Variants in HSD17B7 observed in about 807,000 individuals in gnomAD.
HSD17B7 encodes the protein 3-keto-steroid reductase/17-beta-hydroxysteroid dehydrogenase 7.
HSD17B7 carries 17 observed loss-of-function variants against 34.1 expected under a neutral mutation model. The ratio of observed to expected loss-of-function variants is 0.50; its 90% confidence interval spans 0.34 to 0.75. HSD17B7 has a LOEUF of 0.75. Ranked by LOEUF, HSD17B7 falls within the 30% of genes least tolerant of loss-of-function variation. The probability of loss-of-function intolerance (pLI) is 0.01; values close to 1 mark genes in which losing one functional copy is unlikely to be tolerated. For missense variants in HSD17B7, 296 were observed against 406.6 expected, an observed-to-expected ratio of 0.73 and a Z score of 2.34; for synonymous variants, 122 against 154.6, an observed-to-expected ratio of 0.79 and a Z score of 1.56.
rs1487627670 is a variant in HSD17B7, at chr1:162,793,094, C to T, written c.239+232C>T. On this transcript the variant is annotated intron_variant, in intron 2 of 8. Transcript: ENST00000254521. ...TGTTGCCCAGGCTGGAGTGCAATGG[C>T]GTGATCTCGGCTCACTTCAACCTCC... The T allele has an allele frequency of 3.8e-5, 12 of 319,466 alleles. 1 individual carries two copies. The highest frequency in any genetic ancestry group is 3.0e-4 in the South Asian group (11 of 37,116). The allele number at this position is 319,466 out of a possible 1,614,324, so 19.8% of individuals were successfully genotyped here.
chr1:162,804,367 A>G, intron 7 of HSD17B7, 44 bp downstream of exon 7: 1 of 1,203,550 alleles, frequency 8.3e-7, no homozygotes, highest in Non-Finnish European at 1.2e-6. Context: ...GACTTAGCAG[A>G]TGTGAATTAC....
intron 3 of HSD17B7, among the ~76,000 whole-genome samples, 190 bp downstream of exon 3, chr1:162,796,867 C>G (rs989033537): frequency 9.2e-5 from 14 of 151,956 alleles, no homozygotes; most frequent in African/African-American, 3.4e-4. Flanking sequence ...GCTGAAAGTC[C>G]CGTTTTTTAT....
chr1:162,796,312 C>T (rs1479382288), intron 2 of HSD17B7, among the ~76,000 whole-genome samples: 6 of 152,136 alleles, frequency 3.9e-5, no homozygotes, highest in East Asian at 1.9e-4. Flanking sequence ...TTAAAGCCCA[C>T]GATGACTCCA....
chr1:162,805,310 T>C (rs748934428), intron 7 of HSD17B7, 84 bp from the exon 8 acceptor site: 9 of 1,529,560 alleles, frequency 5.9e-6, no homozygotes, highest in South Asian at 1.3e-5. Context: ...TGGGGAGCTC[T>C]ATAAAGTGCA....
rs41271993 is a variant in HSD17B7, at chr1:162,800,253, A to G, written c.642+316A>G. The G allele has an allele frequency of 5.1e-3, 2,575 of 503,570 alleles. 14 individuals are homozygous for G. The highest frequency in any genetic ancestry group is 9.0e-3 in the Middle Eastern group (30 of 3,350). 31.2% of individuals were successfully genotyped at this position (503,570 alleles called of 1,614,324 possible). A position where few individuals can be genotyped will look rare whatever the true frequency, so the allele number is the denominator to read the frequency against. The stretch of plus-strand genomic sequence containing the variant: ...GTGTATGTCATTAAATACCTGCCTC[A>G]TTACATGGAGGTGGGTCTAAGTATT... On this transcript the variant is annotated intron_variant, in intron 5 of 8. Transcript: ENST00000254521.
chr1:162,797,712 A>T, intron 3 of HSD17B7, 90 bp from the exon 4 acceptor site: 1 of 1,531,396 alleles, frequency 6.5e-7, no homozygotes, highest in South Asian at 1.2e-5. Context: ...GGTGTAGTTT[A>T]TGGGTCGGGG....
intron 6 of HSD17B7, 89 bp from the exon 7 acceptor site, chr1:162,804,178 G>C (rs946031382): frequency 2.0e-5 from 17 of 846,556 alleles, no homozygotes; most frequent in African/African-American, 1.4e-4. Flanking sequence ...AATCAGAAAG[G>C]CAGGGTTTTA....
Position 162,805,259 on chromosome 1 carries a change from C to T in HSD17B7, c.805-135C>T, listed in dbSNP as rs140990455. 5.5e-3 allele frequency: 7,143 copies of T among 1,307,482 alleles called. 48 individuals carry two copies. Among genetic ancestry groups the T allele is most frequent in the South Asian group, 0.02 (1,166 of 58,172 alleles). 81.0% of individuals were successfully genotyped at this position (1,307,482 alleles called of 1,614,324 possible). On this transcript the variant is annotated intron_variant, in intron 7 of 8. Coordinates refer to ENST00000254521, the MANE Select transcript of HSD17B7 (RefSeq NM_016371.4). Reference sequence around the variant, plus strand: ...ATTGGTTCTCAATATATTTGCCAAACCATTCACTGATGATATTTGAGAGGA... The same window carrying T: ...ATTGGTTCTCAATATATTTGCCAAATCATTCACTGATGATATTTGAGAGGA...
intron 5 of HSD17B7, among the ~76,000 whole-genome samples, chr1:162,801,339 G>C (rs1648806914): frequency 1.3e-5 from 2 of 152,088 alleles, no homozygotes; most frequent in Admixed American, 1.3e-4. Flanking sequence ...CTGACTCTTT[G>C]TAACCCTAGG....
intron 2 of HSD17B7, among the ~76,000 whole-genome samples, chr1:162,793,529 G>T (rs1648491741): frequency 6.6e-6 from 1 of 151,720 alleles, no homozygotes. Context: ...CCTGATATGT[G>T]ATCGATCAGT....
intron 2 of HSD17B7, among the ~76,000 whole-genome samples, chr1:162,794,406 T>G (rs1344926081): frequency 1.3e-5 from 2 of 152,204 alleles, no homozygotes; most frequent in East Asian, 3.9e-4. Flanking sequence ...CTTAGTCCTT[T>G]GTAAATGTGG....
rs777625899 is a variant in HSD17B7, at chr1:162,799,709, A to G, written c.448-34A>G. The G allele has an allele frequency of 3.2e-6, 5 of 1,580,384 alleles. No homozygotes were observed. The East Asian group carries it at 6.7e-5, about 21-fold the overall frequency. On this transcript the variant is annotated intron_variant, in intron 4 of 8. Transcript: ENST00000254521. ...AAATTTTTATCTGTATTCTGTCAGT[A>G]TATTTTAATACTTTTTTTTTTTCTT...
At chr1:162,800,448 G>A (rs183748662) in intron 5 of HSD17B7, 13 of 371,822 alleles carry the variant, frequency 3.5e-5, no homozygotes, top group Admixed American at 1.7e-4. Context: ...CATAGCAGAC[G>A]TTTATAGGAC....
At chr1:162,806,307 G>A (rs1010760520) in intron 8 of HSD17B7, among the ~76,000 whole-genome samples, 1 of 152,158 alleles carries the variant, frequency 6.6e-6, no homozygotes, top group Non-Finnish European at 1.5e-5. Context: ...CAAGTAACCG[G>A]CATTGATCTT....
At chr1:162,792,891 C>T in intron 2 of HSD17B7, 29 bp downstream of exon 2, 1 of 1,603,014 alleles carries the variant, frequency 6.2e-7, no homozygotes, top group Non-Finnish European at 8.5e-7. Context: ...GATTTTTTTT[C>T]TCATGTGATT....
chr1:162,797,031 G>A (rs1780017), intron 3 of HSD17B7, among the ~76,000 whole-genome samples: 145,405 of 152,240 alleles, frequency 0.96, 69,797 homozygotes, highest in East Asian at 1. Flanking sequence ...TTTCCCAGCT[G>A]TATGTCAGGT....
chr1:162,805,423 T>C lies in HSD17B7; in HGVS notation c.834T>C (p.Ser278=). 1.2e-6 allele frequency: 2 copies of C among 1,613,188 alleles called. No individual in the cohort carries two copies. The highest frequency in any genetic ancestry group is 1.7e-6 in the Non-Finnish European group (2 of 1,179,366). ...GGCTTTTCCACCAAAAGCCTGAATC[T>C]CTCAATCCTCTGATCAAATATCTGA... The part of the protein sequence containing the change: ...LVWLFHQKPE[S]LNPLIKYLSA... The change falls in exon 8 of 9, where the codon TCT becomes TCC. Residue 278 remains serine (S), a synonymous_variant. Coordinates refer to ENST00000254521, the MANE Select transcript of HSD17B7 (RefSeq NM_016371.4).
chr1:162,793,078 G>A, intron 2 of HSD17B7: 1 of 389,196 alleles, frequency 2.6e-6, no homozygotes, highest in Non-Finnish European at 4.7e-6. Context: ...CTGTTGCCCA[G>A]GCTGGAGTGC....
intron 3 of HSD17B7, chr1:162,797,298 T>G (rs965831208): frequency 6.2e-6 from 1 of 160,110 alleles, no homozygotes; most frequent in African/African-American, 2.4e-5. Flanking sequence ...TCTCACACTC[T>G]CTCTGTCTCT....
Sources: allele counts gnomAD v4.1 joint callset (sites outside exome capture counted in the v4.1 genomes callset), GRCh38; gene constraint gnomAD v4.1.1; transcripts MANE v1.5; gene names NCBI Gene and HGNC (gene_info 2026-07-23, HGNC 2026-07-21).